The following MAN1A1 variants were observed in gnomAD, a reference collection of about 807,000 sequenced individuals.
MAN1A1 encodes the protein mannosidase alpha class 1A member 1, also known as mannosyl-oligosaccharide 1,2-alpha-mannosidase IA.
In MAN1A1, 29 loss-of-function variants were observed where a neutral mutation model predicts 70.8. The ratio of observed to expected loss-of-function variants is 0.41; its 90% confidence interval spans 0.31 to 0.56. The LOEUF is 0.56. Ranked by LOEUF, MAN1A1 falls within the 20% of genes least tolerant of loss-of-function variation. The pLI, the probability that MAN1A1 is intolerant of heterozygous loss-of-function variation, is 0.29. For missense variants in MAN1A1, 747 were observed against 841.3 expected (o/e 0.89, Z 1.39); for synonymous variants, 349 against 330.1 (o/e 1.06, Z -0.62).
At chr6:119,260,494 A>G (rs1328476023) in intron 5 of MAN1A1, among the ~76,000 whole-genome samples, 1 of 152,174 alleles carries the variant, frequency 6.6e-6, no homozygotes, top group African/African-American at 2.4e-5. Flanking sequence ...TTGAAAGTGC[A>G]ATTTCTGGTC....
At chr6:119,329,911 T>A (rs1307755243) in intron 2 of MAN1A1, among the ~76,000 whole-genome samples, 1 of 152,280 alleles carries the variant, frequency 6.6e-6, no homozygotes, top group East Asian at 1.9e-4. Flanking sequence ...AGAACACTTC[T>A]TAGTCCTTAT....
chr6:119,313,650 C>T (rs1772771762), intron 2 of MAN1A1, among the ~76,000 whole-genome samples: 1 of 140,718 alleles, frequency 7.1e-6, no homozygotes, highest in Admixed American at 7.1e-5. Context: ...TTACACAGAA[C>T]CTACTTATAC....
chr6:119,349,463 T>A, intron 1 of MAN1A1, 79 bp downstream of exon 1: 1 of 936,584 alleles, frequency 1.1e-6, no homozygotes, highest in Non-Finnish European at 1.3e-6. Flanking sequence ...AGTTATCAGG[T>A]CCCGTGGGTA....
chr6:119,285,696 T>C (rs1195674204), intron 5 of MAN1A1, among the ~76,000 whole-genome samples: 1 of 152,126 alleles, frequency 6.6e-6, no homozygotes. Context: ...ATTAAAGTTC[T>C]TTCCATATAT....
chr6:119,339,160 AAC>A (rs1773540016), intron 2 of MAN1A1, among the ~76,000 whole-genome samples: 1 of 152,250 alleles, frequency 6.6e-6, no homozygotes, highest in South Asian at 2.1e-4. Flanking sequence ...ACAAAGAATC[AAC>A]AGACTCCATT....
At chr6:119,214,075 C>T (rs1003917528) in intron 6 of MAN1A1, among the ~76,000 whole-genome samples, 5 of 152,144 alleles carry the variant, frequency 3.3e-5, no homozygotes, top group African/African-American at 1.2e-4. Context: ...AGCAATTCTC[C>T]TTCCTCAGCC....
intron 6 of MAN1A1, among the ~76,000 whole-genome samples, chr6:119,208,092 C>T (rs867895129): frequency 4.6e-5 from 7 of 152,030 alleles, no homozygotes; most frequent in African/African-American, 1.7e-4. Context: ...TTAAATATTA[C>T]CAATCTTGTT....
At chr6:119,266,639 T>C (rs1212557177) in intron 5 of MAN1A1, among the ~76,000 whole-genome samples, 1 of 152,112 alleles carries the variant, frequency 6.6e-6, no homozygotes, top group African/African-American at 2.4e-5. Context: ...ATAAAACTCC[T>C]AGAAGATAAT....
chr6:119,205,905 T>A (rs1448090547), intron 6 of MAN1A1, among the ~76,000 whole-genome samples: 1 of 152,212 alleles, frequency 6.6e-6, no homozygotes, highest in Non-Finnish European at 1.5e-5. Flanking sequence ...GACCTAATAG[T>A]GCAATGACAG....
In MAN1A1 at chr6:119,261,361, T is replaced by G. The variant is rs572775017; in HGVS notation, c.898-13007A>C. Among the ~76,000 whole-genome samples, 201 of 152,334 alleles carry G rather than the reference T, an allele frequency of 1.3e-3. 6 individuals are homozygous for G. In the South Asian group the frequency reaches 0.039, roughly 29 times the overall value. On this transcript the variant is annotated intron_variant, in intron 5 of 12. Transcript: ENST00000368468. The stretch of plus-strand genomic sequence containing the variant: ...TAAATTACAAACTTTCAAAAAGGAA[T>G]TGCTTGCATAATTGACCTTTTAAAA...
intron 2 of MAN1A1, among the ~76,000 whole-genome samples, chr6:119,323,139 T>C (rs1227710045): frequency 6.6e-6 from 1 of 152,246 alleles, no homozygotes; most frequent in Non-Finnish European, 1.5e-5. Context: ...TTATAAAATG[T>C]AGTTCTGCTG....
intron 6 of MAN1A1, among the ~76,000 whole-genome samples, chr6:119,237,169 A>T (rs535216667): frequency 8.9e-4 from 136 of 152,342 alleles, no homozygotes; most frequent in African/African-American, 3.1e-3. Context: ...GACACTGTGC[A>T]CACTGTTGAA....
At chr6:119,298,420 C>A (rs1293908883) in intron 4 of MAN1A1, among the ~76,000 whole-genome samples, 1 of 152,100 alleles carries the variant, frequency 6.6e-6, no homozygotes, top group Non-Finnish European at 1.5e-5. Context: ...TAAACCAATA[C>A]AAAACATTTA....
intron 2 of MAN1A1, among the ~76,000 whole-genome samples, chr6:119,322,662 C>T (rs952242077): frequency 9.9e-5 from 15 of 152,116 alleles, no homozygotes; most frequent in African/African-American, 3.6e-4. Flanking sequence ...GTCTCTCTTC[C>T]CCAGTGTTTA....
chr6:119,204,787 AAG>A lies in MAN1A1; in HGVS notation c.1086_1087del (p.Leu363IlefsTer8). 6.2e-6 allele frequency: 10 copies of A among 1,614,014 alleles called. No homozygotes were observed. Among genetic ancestry groups the A allele is most frequent in the Non-Finnish European group, 8.5e-6 (10 of 1,179,878 alleles). On this transcript the variant is annotated frameshift_variant, in exon 7 of 13. Transcript: ENST00000368468. LOFTEE classifies it high-confidence loss of function. Reference sequence around the variant, plus strand: ...TTCAGCAAAGATGGGGTTTCCTGATAAGTGGCTCAAGTGCATAAACTCCAAAT... The same window carrying A: ...TTCAGCAAAGATGGGGTTTCCTGATATGGCTCAAGTGCATAAACTCCAAAT...
At chr6:119,212,032 G>A (rs1231851744) in intron 6 of MAN1A1, among the ~76,000 whole-genome samples, 1 of 151,704 alleles carries the variant, frequency 6.6e-6, no homozygotes, top group Non-Finnish European at 1.5e-5. Context: ...AGCAGAGACG[G>A]GGTTTCACCA....
At chr6:119,297,791 G>GT (rs201490019) in intron 4 of MAN1A1, among the ~76,000 whole-genome samples, 135 of 82,938 alleles carry the variant, frequency 1.6e-3, no homozygotes, top group East Asian at 5.0e-3. Flanking sequence ...CCAGGCTGGA[G>GT]TTTTTTTGTT....
At chr6:119,227,932 C>T (rs566421891) in intron 6 of MAN1A1, among the ~76,000 whole-genome samples, 4 of 152,076 alleles carry the variant, frequency 2.6e-5, no homozygotes, top group African/African-American at 9.7e-5. Context: ...TAAGAGAATG[C>T]ACTATATATA....
intron 2 of MAN1A1, among the ~76,000 whole-genome samples, chr6:119,327,921 G>C (rs1432304829): frequency 2.0e-5 from 3 of 152,116 alleles, no homozygotes; most frequent in East Asian, 3.9e-4. Context: ...GCAAGGAAAT[G>C]GGGACCTTAG....
Sources: allele counts gnomAD v4.1 joint callset (sites outside exome capture counted in the v4.1 genomes callset), GRCh38; gene constraint gnomAD v4.1.1; transcripts MANE v1.5; gene names NCBI Gene and HGNC (gene_info 2026-07-23, HGNC 2026-07-21).